Variants in PHF24 observed in about 807,000 individuals in gnomAD.
The protein encoded by PHF24 is PHD finger protein 24.
Under a neutral mutation model 42.6 loss-of-function variants are expected in PHF24, and 25 were observed. The ratio of observed to expected loss-of-function variants is 0.59; its 90% confidence interval spans 0.43 to 0.82. The LOEUF is 0.82. PHF24 is among the 40% of genes least tolerant of loss of function. The pLI, the probability that PHF24 is intolerant of heterozygous loss-of-function variation, is 0.00. For missense variants in PHF24, 470 were observed against 538.1 expected, an observed-to-expected ratio of 0.87 and a Z score of 1.25; for synonymous variants, 185 against 204.8, an observed-to-expected ratio of 0.90 and a Z score of 0.83.
At chr9:34,977,266 T>TCCC (rs1347657013) in intron 6 of PHF24, 23 bp downstream of exon 6, 1 of 1,566,802 alleles carries the variant, frequency 6.4e-7, no homozygotes, top group Admixed American at 1.8e-5. Flanking sequence ...CCAGTCCTGG[T>TCCC]CCCCACTCAG....
chr9:34,969,619 C>T (rs966750581), intron 1 of PHF24, among the ~76,000 whole-genome samples: 7 of 147,160 alleles, frequency 4.8e-5, no homozygotes, highest in South Asian at 4.3e-4. Context: ...CCAGCCTGGG[C>T]GACAGAGCGA....
chr9:34,859,415 G>A, the PHF24 span, among the ~76,000 whole-genome samples: 2 of 152,306 alleles, frequency 1.3e-5, no homozygotes, highest in Admixed American at 1.3e-4. Context: ...CCATACTGGA[G>A]AAGTGGTCAG....
the PHF24 span, among the ~76,000 whole-genome samples, chr9:34,716,375 T>A: frequency 6.6e-6 from 1 of 152,172 alleles, no homozygotes; most frequent in Non-Finnish European, 1.5e-5. Context: ...TTCCTGTTGA[T>A]AGAAACAGGC....
At chr9:34,949,317 A>G in the PHF24 span, among the ~76,000 whole-genome samples, 8,034 of 152,290 alleles carry the variant, frequency 0.053, 268 homozygotes, top group South Asian at 0.085. Flanking sequence ...CACGCCAGTT[A>G]GATTGGTGAT....
the PHF24 span, among the ~76,000 whole-genome samples, chr9:34,701,078 C>T: frequency 2.0e-5 from 3 of 152,178 alleles, no homozygotes; most frequent in South Asian, 6.2e-4. This position sits in a 1 kb window ranked among gnomAD's most constrained non-coding sequence, Gnocchi z 5.8. Flanking sequence ...TTGGTTCAGC[C>T]TGAGTCCTGG....
chr9:34,925,384 C>T, the PHF24 span, among the ~76,000 whole-genome samples: 21 of 152,230 alleles, frequency 1.4e-4, no homozygotes, highest in Non-Finnish European at 2.5e-4. Context: ...TGGACTTAAA[C>T]GTCTATTTCT....
exon 2 of PHF24, chr9:34,971,599 C>A (rs765911770): frequency 2.5e-6 from 4 of 1,614,034 alleles, no homozygotes; most frequent in Non-Finnish European, 3.4e-6. Context: ...TCGATTCACA[C>A]CCCCTGCGTT....
chr9:34,684,551 A>G, the PHF24 span, among the ~76,000 whole-genome samples: 19 of 152,164 alleles, frequency 1.2e-4, no homozygotes, highest in Admixed American at 1.2e-3. Context: ...GGACCTTGAC[A>G]TTAATGGGTG....
chr9:34,766,597 T>C, the PHF24 span, among the ~76,000 whole-genome samples: 1 of 152,204 alleles, frequency 6.6e-6, no homozygotes, highest in African/African-American at 2.4e-5. Context: ...TAGTTATACA[T>C]TCGTCTAAAT....
chr9:34,679,498 C>T, the PHF24 span, among the ~76,000 whole-genome samples: 10 of 152,270 alleles, frequency 6.6e-5, no homozygotes, highest in South Asian at 1.7e-3. Flanking sequence ...GGGCGGATCA[C>T]GAGGTCAGGA....
chr9:34,749,659 G>T, the PHF24 span, among the ~76,000 whole-genome samples: 1 of 150,764 alleles, frequency 6.6e-6, no homozygotes, highest in Non-Finnish European at 1.5e-5. Flanking sequence ...AGAATGTGCA[G>T]GTTTGTTACA....
the PHF24 span, among the ~76,000 whole-genome samples, chr9:34,826,321 C>T: frequency 0.025 from 3,874 of 152,334 alleles, 179 homozygotes; most frequent in African/African-American, 0.087. Flanking sequence ...GAAGTCCTCC[C>T]TTCTCCTCTG....
the PHF24 span, among the ~76,000 whole-genome samples, chr9:34,684,758 T>C: frequency 6.6e-6 from 1 of 152,120 alleles, no homozygotes; most frequent in Non-Finnish European, 1.5e-5. Flanking sequence ...TAGGCTCAGA[T>C]TTCCAGGGAC....
At chr9:34,970,991 C>T (rs1826954211) in intron 1 of PHF24, among the ~76,000 whole-genome samples, 1 of 152,112 alleles carries the variant, frequency 6.6e-6, no homozygotes, top group Non-Finnish European at 1.5e-5. Flanking sequence ...GGTGGTAGGC[C>T]TGTGATCCCA....
At chr9:34,678,929 C>T in the PHF24 span, among the ~76,000 whole-genome samples, 1 of 152,206 alleles carries the variant, frequency 6.6e-6, no homozygotes, top group Non-Finnish European at 1.5e-5. Flanking sequence ...CACACCCGGC[C>T]CCTTTAGATA....
At chr9:34,837,556 C>T in the PHF24 span, 1 of 891,938 alleles carries the variant, frequency 1.1e-6, no homozygotes, top group Non-Finnish European at 1.8e-6. Flanking sequence ...TCTTCAGTGG[C>T]AGAGCACCTG....
chr9:34,726,284 C>T, the PHF24 span: 2 of 1,526,760 alleles, frequency 1.3e-6, no homozygotes, highest in African/African-American at 1.4e-5. Context: ...CATAAGCTGC[C>T]TCAGGGACTC....
the PHF24 span, among the ~76,000 whole-genome samples, chr9:34,918,513 G>A: frequency 1.4e-4 from 22 of 151,836 alleles, no homozygotes; most frequent in Non-Finnish European, 2.6e-4. Flanking sequence ...CTTTTAAAGT[G>A]CACCTTCCAA....
chr9:34,974,207 A>G (rs1262067303), intron 3 of PHF24, among the ~76,000 whole-genome samples: 1 of 151,996 alleles, frequency 6.6e-6, no homozygotes, highest in Non-Finnish European at 1.5e-5. Context: ...ACCATCTCCT[A>G]TGGTTTTTCA....
Sources: allele counts gnomAD v4.1 joint callset (sites outside exome capture counted in the v4.1 genomes callset), GRCh38; gene constraint gnomAD v4.1.1; non-coding constraint Gnocchi (gnomAD v3.1); transcripts MANE v1.5; gene names NCBI Gene and HGNC (gene_info 2026-07-23, HGNC 2026-07-21).